The following EML1 variants were observed in gnomAD, a reference collection of about 807,000 sequenced individuals.
The protein encoded by EML1 is EMAP like 1.
Under a neutral mutation model 110.4 loss-of-function variants are expected in EML1, and 27 were observed. The ratio of observed to expected loss-of-function variants is 0.24; its 90% confidence interval spans 0.18 to 0.34. The LOEUF is 0.34. Among genes scored for constraint, EML1 ranks in the 10% least tolerant of loss-of-function variants. The pLI, the probability that EML1 is intolerant of heterozygous loss-of-function variation, is 1.00. For synonymous variants in EML1, 344 were observed against 385.8 expected (o/e 0.89, Z 1.27); for missense variants, 741 against 1,030.9 (o/e 0.72, Z 3.85).
At chr14:99,853,383 G>C (rs2058845349) in intron 2 of EML1, among the ~76,000 whole-genome samples, 1 of 151,890 alleles carries the variant, frequency 6.6e-6, no homozygotes, top group South Asian at 2.1e-4. Context: ...CGTGGGAGGG[G>C]CATGCCCACG....
rs545109399 is a variant in EML1, at chr14:99,829,907, G to A, written c.68-20946G>A. ...TCCGTTCATCCATCCATGGACATTT[G>A]GGTTGTTTCTACCTTCTGGCTATTG... is the stretch of plus-strand genomic sequence containing the variant. On this transcript the variant is annotated intron_variant, in intron 1 of 21. Coordinates refer to ENST00000262233, the MANE Select transcript of EML1 (RefSeq NM_004434.3). 3.3e-5 allele frequency among the ~76,000 whole-genome samples: 5 copies of A among 152,240 alleles called. No individual in the cohort carries two copies. The East Asian group carries it at 5.8e-4, about 18-fold the overall frequency.
intron 1 of EML1, among the ~76,000 whole-genome samples, chr14:99,763,242 C>T (rs575391117): frequency 4.6e-5 from 7 of 152,288 alleles, no homozygotes; most frequent in African/African-American, 1.7e-4. Flanking sequence ...TTGTAAATTG[C>T]CCAGTCTCAG....
intron 16 of EML1, among the ~76,000 whole-genome samples, chr14:99,919,425 GACACACACACACAC>G (rs376238109): frequency 7.2e-5 from 7 of 97,470 alleles, no homozygotes; most frequent in South Asian, 4.3e-4. Context: ...CATGCACACA[GACACACACACACAC>G]ACACACACAC....
chr14:99,912,588 G>A (rs139338496), intron 13 of EML1, among the ~76,000 whole-genome samples: 63 of 152,240 alleles, frequency 4.1e-4, no homozygotes, highest in African/African-American at 1.5e-3. Flanking sequence ...CCACCCTCTG[G>A]CAGTGTGAAA....
intron 17 of EML1, among the ~76,000 whole-genome samples, chr14:99,933,075 T>C (rs11621254): frequency 0.77 from 116,412 of 152,118 alleles, 44,917 homozygotes; most frequent in African/African-American, 0.87. Context: ...CTACTGCACT[T>C]CAGCCTGGGT....
chr14:99,892,005 AG>A lies in EML1; in HGVS notation c.547+780del, dbSNP rs33994577. 2.6e-3 allele frequency: 738 copies of A among 285,786 alleles called. 8 individuals are homozygous for A. The highest frequency in any genetic ancestry group is 0.016 in the African/African-American group (696 of 43,822). The allele number at this position is 285,786 out of a possible 1,614,324, so 17.7% of individuals were successfully genotyped here. A position where few individuals can be genotyped will look rare whatever the true frequency, so the allele number is the denominator to read the frequency against. ...GGGCCACATTGTGAGCGCACTTGTC[AG>A]GATCCCTGAACCGTGTCCAGATTTT... On this transcript the variant is annotated intron_variant, in intron 5 of 21. Coordinates refer to ENST00000262233, the MANE Select transcript of EML1 (RefSeq NM_004434.3).
At chr14:99,833,617 A>G (rs939513457) in intron 1 of EML1, among the ~76,000 whole-genome samples, 3 of 152,188 alleles carry the variant, frequency 2.0e-5, no homozygotes, top group African/African-American at 7.2e-5. Context: ...GAGTCTTCCA[A>G]CCCACAGACA....
chr14:99,749,290 G>A (rs2057149035), intron 1 of EML1, among the ~76,000 whole-genome samples: 1 of 152,212 alleles, frequency 6.6e-6, no homozygotes, highest in Non-Finnish European at 1.5e-5. Flanking sequence ...GGGGCATGCT[G>A]GCTCTGACTC....
intron 1 of EML1, among the ~76,000 whole-genome samples, chr14:99,760,760 G>T (rs2057306611): frequency 6.6e-6 from 1 of 152,094 alleles, no homozygotes; most frequent in East Asian, 1.9e-4. Flanking sequence ...GAGCCAGACG[G>T]TCCCTCAGTG....
In EML1 at chr14:99,939,299, T is replaced by C; in HGVS notation, c.2294T>C (p.Leu765Pro). ...STGDDFGKVH[L>P]FSYPCSQFRA... ...GGCGACGACTTTGGCAAAGTGCACC[T>C]CTTCTCATACCCCTGCTCGCAGTTC... is the stretch of plus-strand genomic sequence containing the variant. The change falls in exon 21 of 22, where the codon CTC becomes CCC. Residue 765 changes from leucine (L) to proline (P), a missense_variant. This residue lies in a region of EML1 where 114 missense variants were observed against 122.5 expected (regional missense o/e 0.93). Coordinates refer to ENST00000262233, the MANE Select transcript of EML1 (RefSeq NM_004434.3). The surrounding 1 kb of genome is among the most constrained non-coding windows in gnomAD (Gnocchi z 4.2). The C allele has an allele frequency of 6.2e-7, 1 of 1,614,216 alleles. No individual in the cohort carries two copies. Among genetic ancestry groups the C allele is most frequent in the Non-Finnish European group, 8.5e-7 (1 of 1,180,026 alleles).
At chr14:99,851,574 T>C (rs2058804647) in intron 2 of EML1, among the ~76,000 whole-genome samples, 1 of 152,188 alleles carries the variant, frequency 6.6e-6, no homozygotes, top group Non-Finnish European at 1.5e-5. Context: ...CCCAAAGTGC[T>C]GGGATTACAG....
intron 3 of EML1, among the ~76,000 whole-genome samples, chr14:99,875,645 A>C (rs1191120): frequency 6.6e-6 from 1 of 152,020 alleles, no homozygotes; most frequent in Non-Finnish European, 1.5e-5. Flanking sequence ...TGCGGCTGCA[A>C]AATCTCCCAG....
intron 17 of EML1, among the ~76,000 whole-genome samples, chr14:99,935,536 C>G (rs1021043504): frequency 5.9e-5 from 9 of 152,024 alleles, no homozygotes; most frequent in Non-Finnish European, 1.2e-4. Context: ...TTAATCCCAG[C>G]ACTTTGGGAG....
At chr14:99,932,961 T>TA (rs1281407596) in intron 17 of EML1, among the ~76,000 whole-genome samples, 1 of 151,590 alleles carries the variant, frequency 6.6e-6, no homozygotes, top group Non-Finnish European at 1.5e-5. Flanking sequence ...AACAAAAAAA[T>TA]AAAAAAATTA....
chr14:99,800,341 GT>G (rs138358224), intron 1 of EML1, among the ~76,000 whole-genome samples: 6,225 of 148,452 alleles, frequency 0.042, 408 homozygotes, highest in African/African-American at 0.14. Context: ...TAAAGGACTT[GT>G]TTTTTTTTTA....
intron 3 of EML1, 134 bp from the exon 4 acceptor site, chr14:99,878,351 T>G: frequency 3.7e-6 from 5 of 1,342,464 alleles, no homozygotes; most frequent in Non-Finnish European, 5.0e-6. Context: ...AAAAGCTTTT[T>G]GATCTCCGTT....
chr14:99,754,728 G>A (rs1240811249), intron 1 of EML1, among the ~76,000 whole-genome samples: 1 of 152,196 alleles, frequency 6.6e-6, no homozygotes, highest in Non-Finnish European at 1.5e-5. Flanking sequence ...CGTTATCTCA[G>A]CACGTCTCTC....
At chr14:99,906,183 G>A (rs1001417839) in intron 9 of EML1, among the ~76,000 whole-genome samples, 2 of 152,106 alleles carry the variant, frequency 1.3e-5, no homozygotes, top group African/African-American at 4.8e-5. Context: ...ATCGCTTCAT[G>A]GTCACCAGAA....
intron 1 of EML1, among the ~76,000 whole-genome samples, chr14:99,804,217 T>G (rs956733871): frequency 6.6e-6 from 1 of 152,222 alleles, no homozygotes; most frequent in African/African-American, 2.4e-5. Context: ...CATCTTGTAC[T>G]TAATTATATC....
Sources: gnomAD v4.1 joint callset for allele counts (sites outside exome capture counted in the v4.1 genomes callset) on GRCh38, gnomAD v4.1.1 for gene constraint, gnomAD v4.1.1 regional missense constraint, Gnocchi (gnomAD v3.1) non-coding constraint, MANE v1.5 for transcripts, NCBI Gene and HGNC (gene_info 2026-07-23, HGNC 2026-07-21) for gene names.